TENM2: variants seen among roughly 807,000 people sequenced by gnomAD.
The protein encoded by TENM2 is teneurin transmembrane protein 2.
In TENM2, 52 loss-of-function variants were observed where a neutral mutation model predicts 245.2. The ratio of observed to expected loss-of-function variants is 0.21; its 90% CI spans 0.17 to 0.27. TENM2 has a LOEUF of 0.27. Ranked by LOEUF, TENM2 falls within the 10% of genes least tolerant of loss-of-function variation. The pLI is 1.00. For missense variants in TENM2, 3,046 were observed against 3,666.8 expected (o/e 0.83, Z 4.37); for synonymous variants, 1,363 against 1,438.9 (o/e 0.95, Z 1.19).
intron 2 of TENM2, among the ~76,000 whole-genome samples, chr5:167,733,550 A>T (rs531628723): frequency 6.6e-6 from 1 of 152,220 alleles, no homozygotes; most frequent in Non-Finnish European, 1.5e-5. Context: ...AAAGGAGTGA[A>T]GAGGCTTTTC....
At chr5:168,081,416 T>C (rs1427444166) in intron 7 of TENM2, among the ~76,000 whole-genome samples, 1 of 152,210 alleles carries the variant, frequency 6.6e-6, no homozygotes, top group Non-Finnish European at 1.5e-5. Context: ...AATTGGAGCA[T>C]TTAGCCCATT....
chr5:167,718,286 G>A (rs1282165738), intron 2 of TENM2, among the ~76,000 whole-genome samples: 1 of 152,168 alleles, frequency 6.6e-6, no homozygotes, highest in Non-Finnish European at 1.5e-5. Context: ...CTCACCTGAA[G>A]CTGTGTGGTG....
intron 2 of TENM2, among the ~76,000 whole-genome samples, chr5:167,677,383 T>C (rs1561663130): frequency 6.6e-6 from 1 of 151,970 alleles, no homozygotes; most frequent in Non-Finnish European, 1.5e-5. Flanking sequence ...CTGGAATAGA[T>C]GAGGTAGAGA....
At chr5:167,071,618 A>G in the TENM2 span, among the ~76,000 whole-genome samples, 1 of 152,178 alleles carries the variant, frequency 6.6e-6, no homozygotes, top group East Asian at 1.9e-4. Flanking sequence ...AAGGTAGCAT[A>G]TTAATAGTAA....
At chr5:167,962,151 T>C (rs1781061646) in intron 4 of TENM2, among the ~76,000 whole-genome samples, 1 of 152,204 alleles carries the variant, frequency 6.6e-6, no homozygotes, top group African/African-American at 2.4e-5. Flanking sequence ...TACTTTCTGG[T>C]CTAGAGTCCT....
the TENM2 span, among the ~76,000 whole-genome samples, chr5:167,276,748 A>G: frequency 1.3e-5 from 2 of 152,118 alleles, no homozygotes; most frequent in Admixed American, 1.3e-4. Context: ...AACACAATGT[A>G]AATGCTATGT....
At chr5:167,353,599 C>T (rs1272601254) in intron 1 of TENM2, among the ~76,000 whole-genome samples, 3 of 148,060 alleles carry the variant, frequency 2.0e-5, no homozygotes, top group Non-Finnish European at 3.0e-5. Flanking sequence ...GCTCCGCCTC[C>T]CGGGTTCACG....
chr5:167,359,670 A>G (rs1376764811), intron 1 of TENM2, among the ~76,000 whole-genome samples: 1 of 152,148 alleles, frequency 6.6e-6, no homozygotes, highest in Non-Finnish European at 1.5e-5. Context: ...GATATTGCCT[A>G]GGTTGCCTTC....
chr5:167,433,782 G>A (rs1370183796), intron 2 of TENM2, among the ~76,000 whole-genome samples: 3 of 151,880 alleles, frequency 2.0e-5, no homozygotes, highest in Admixed American at 6.6e-5. Context: ...AAACATTTTC[G>A]TGTAAAACAT....
At chr5:167,510,800 A>G (rs1769897836) in intron 2 of TENM2, among the ~76,000 whole-genome samples, 1 of 152,140 alleles carries the variant, frequency 6.6e-6, no homozygotes, top group South Asian at 2.1e-4. Context: ...TTAAATTGCA[A>G]TTGCAATACT....
chr5:167,056,198 A>T, the TENM2 span, among the ~76,000 whole-genome samples: 2 of 151,742 alleles, frequency 1.3e-5, no homozygotes, highest in African/African-American at 4.8e-5. Flanking sequence ...CTGTTGGTTG[A>T]TGGATTATGT....
chr5:167,918,210 G>T (rs560909489), intron 3 of TENM2, among the ~76,000 whole-genome samples: 1 of 152,146 alleles, frequency 6.6e-6, no homozygotes, highest in South Asian at 2.1e-4. Flanking sequence ...AAAGCTTAGC[G>T]GTTGTGTTGA....
intron 2 of TENM2, among the ~76,000 whole-genome samples, chr5:167,741,929 C>T (rs1038810392): frequency 1.3e-5 from 2 of 152,134 alleles, no homozygotes; most frequent in Non-Finnish European, 2.9e-5. Flanking sequence ...TTTGAAGCCA[C>T]CCTTTTCTGT....
chr5:167,773,348 C>T (rs768995782), intron 2 of TENM2, among the ~76,000 whole-genome samples: 8 of 152,192 alleles, frequency 5.3e-5, no homozygotes, highest in South Asian at 2.1e-4. Context: ...TTTCCTAGGG[C>T]GATGCTAAAT....
chr5:168,116,617 T>C (rs12186727), intron 9 of TENM2, among the ~76,000 whole-genome samples: 47,102 of 152,028 alleles, frequency 0.31, 7,730 homozygotes, highest in East Asian at 0.62. Context: ...AAGCCACCAT[T>C]GATAAACGTA....
At chr5:167,813,634 C>G (rs1353668685) in intron 2 of TENM2, among the ~76,000 whole-genome samples, 1 of 152,106 alleles carries the variant, frequency 6.6e-6, no homozygotes, top group African/African-American at 2.4e-5. Flanking sequence ...TTGAAGCCTT[C>G]AACCACTGGC....
intron 13 of TENM2, among the ~76,000 whole-genome samples, chr5:168,181,054 A>G (rs1759836815): frequency 6.6e-6 from 1 of 152,244 alleles, no homozygotes. Flanking sequence ...CACTGGAAAT[A>G]CGGTGCTCAG....
At chr5:167,566,639 C>G (rs1170855673) in intron 2 of TENM2, among the ~76,000 whole-genome samples, 1 of 152,140 alleles carries the variant, frequency 6.6e-6, no homozygotes, top group East Asian at 1.9e-4. Context: ...AGGCTGTGAT[C>G]ATTGTGCAAC....
At chr5:167,920,860 C>G (rs887767745) in intron 3 of TENM2, among the ~76,000 whole-genome samples, 1 of 152,064 alleles carries the variant, frequency 6.6e-6, no homozygotes, top group Non-Finnish European at 1.5e-5. Context: ...TAAGAATCAG[C>G]GACAATAAAA....
Sources: gnomAD v4.1 joint callset for allele counts (sites outside exome capture counted in the v4.1 genomes callset) on GRCh38, gnomAD v4.1.1 for gene constraint, MANE v1.5 for transcripts, NCBI Gene and HGNC (gene_info 2026-07-23, HGNC 2026-07-21) for gene names.